Variants in MYH1 observed in about 807,000 individuals in gnomAD.
The protein encoded by MYH1 is myosin-1.
MYH1 carries 214 observed loss-of-function variants against 225.6 expected under a neutral mutation model. That is an observed-to-expected ratio of 0.95 (90% CI 0.85 to 1.06). The LOEUF (loss-of-function observed/expected upper bound fraction) is 1.06, where lower values mean the gene tolerates loss of function less well. Among genes scored for constraint, MYH1 ranks in the 50% least tolerant of loss-of-function variants. The pLI is 0.00. For missense variants in MYH1, 2,098 were observed against 2,344.2 expected (o/e 0.89, Z 2.17); for synonymous variants, 774 against 842.3 (o/e 0.92, Z 1.40).
At chr17:10,495,346 T>C in intron 35 of MYH1, 29 bp from the exon 36 acceptor site, 1 of 1,613,260 alleles carries the variant, frequency 6.2e-7, no homozygotes, top group Non-Finnish European at 8.5e-7. Context: ...TTAGAAATAT[T>C]AGGCACATGA....
At position 10,496,124 on chromosome 17, in the gene MYH1, G is replaced by A. The variant is rs1283558260; in HGVS notation, c.4995C>T (p.Leu1665=). The A allele has an allele frequency of 6.2e-7, 1 of 1,614,130 alleles. No individual in the cohort carries two copies. The highest frequency in any genetic ancestry group is 1.1e-5 in the South Asian group (1 of 91,078). ...GTTCCTTCAGGTCCTCCTGGCTCCG[G>A]AGAGCATCATCCAGGTGGAGCTGGG... ...KDTQLHLDDA[L]RSQEDLKEQL... is the part of the protein sequence containing the mutation. Residue 1665 remains leucine, a synonymous_variant, in exon 35 of 40, where the codon CTC becomes CTT. Transcript: ENST00000226207.
chr17:10,508,178 C>A (rs1028532666), intron 16 of MYH1, among the ~76,000 whole-genome samples, 185 bp downstream of exon 16: 6 of 151,756 alleles, frequency 4.0e-5, no homozygotes, highest in African/African-American at 1.2e-4. Flanking sequence ...GCCACCATGC[C>A]CGGCTAATTT....
rs1285464599 is a variant in MYH1 at position 10,504,966 on chromosome 17, T to G, written c.2535A>C (p.Lys845Asn). 6.2e-7 allele frequency: 1 copy of G among 1,614,134 alleles called. No individual in the cohort carries two copies. Among genetic ancestry groups the G allele is most frequent in the Non-Finnish European group, 8.5e-7 (1 of 1,180,044 alleles). The change falls in exon 22 of 40, where the codon AAA (lysine) becomes AAC (asparagine). Residue 845 changes from lysine to asparagine, a missense_variant. Lys to Asn is a moderately conservative substitution (Grantham distance 94). Coordinates refer to ENST00000226207, the MANE Select transcript of MYH1 (RefSeq NM_005963.4). ...CCATCTCCTTCTCTGTCTCTGCACT[T>G]TTGAGGAGGGGTTTGATCTTGAAAT... ...KLYFKIKPLL[K>N]SAETEKEMAN...
At chr17:10,511,457 G>T (rs2073169318) in intron 14 of MYH1, among the ~76,000 whole-genome samples, 1 of 152,086 alleles carries the variant, frequency 6.6e-6, no homozygotes, top group African/African-American at 2.4e-5. Context: ...AGTGCTGCCT[G>T]CATGCTTGGG....
chr17:10,511,653 G>A (rs1567721792), intron 14 of MYH1, among the ~76,000 whole-genome samples, 186 bp downstream of exon 14: 1 of 152,148 alleles, frequency 6.6e-6, no homozygotes, highest in Non-Finnish European at 1.5e-5. Context: ...TTGAATCCAG[G>A]TCTGTCTCAT....
At position 10,516,246 on chromosome 17, in the gene MYH1, C is replaced by T. The variant is rs760383904; in HGVS notation, c.301G>A (p.Ala101Thr). 7 of 1,614,096 alleles carry T rather than the reference C, an allele frequency of 4.3e-6. No homozygotes were observed. In the East Asian group the frequency reaches 1.6e-4, roughly 36 times the overall value. The change falls in exon 4 of 40, where the codon GCT (alanine) becomes ACT (threonine). Residue 101 changes from alanine (A) to threonine (T), a missense_variant. By Grantham distance (58) the Ala-to-Thr change is moderately conservative. Transcript: ENST00000226207. ...MAMMTHLHEP[A>T]VLYNLKERYA... ...CGCTCTTTGAGGTTGTACAGCACAG[C>T]AGGCTCGTGTAGATGAGTCATCATG...
At chr17:10,495,818 C>CA (rs1275068733) in intron 35 of MYH1, 132 bp downstream of exon 35, 7 of 919,772 alleles carry the variant, frequency 7.6e-6, no homozygotes, top group Non-Finnish European at 1.0e-5. Flanking sequence ...TATAGATAAT[C>CA]AAAAAAATAA....
chr17:10,514,745 A>G lies in MYH1; in HGVS notation c.533+123T>C, dbSNP rs2073208166. 11 of 844,492 alleles carry G rather than the reference A, an allele frequency of 1.3e-5. No individual in the cohort carries two copies. In the Admixed American group the frequency reaches 1.9e-4, roughly 15 times the overall value. 52.3% of individuals were successfully genotyped at this position (844,492 alleles called of 1,614,324 possible). On this transcript the variant is annotated intron_variant, in intron 6 of 39. Transcript: ENST00000226207. ...TAAACCTTATAATAAAGCTAAACCA[A>G]TATCTAGTTCCAGGTTGATCATTCA...
At chr17:10,508,172 C>T (rs2073134315) in intron 16 of MYH1, among the ~76,000 whole-genome samples, 191 bp downstream of exon 16, 1 of 151,952 alleles carries the variant, frequency 6.6e-6, no homozygotes, top group Admixed American at 6.6e-5. Context: ...GCACCTGCCA[C>T]CATGCCCGGC....
At position 10,494,284 on chromosome 17, in the gene MYH1, C is replaced by A. The variant is rs1462182560; in HGVS notation, c.5667+70G>T. 2.1e-6 allele frequency: 3 copies of A among 1,418,242 alleles called. No individual in the cohort carries two copies. In the East Asian group the frequency reaches 6.9e-5, roughly 32 times the overall value. 87.9% of individuals were successfully genotyped at this position (1,418,242 alleles called of 1,614,324 possible). ...TCCTTCCTCATTTTACTCATCTTTTCTTTTGTCACTTTAACTAAACTGGCC... is the reference window on the plus strand; with the variant it reads ...TCCTTCCTCATTTTACTCATCTTTTATTTTGTCACTTTAACTAAACTGGCC... On this transcript the variant is annotated intron_variant, in intron 39 of 39. Transcript: ENST00000226207.
chr17:10,512,500 A>G lies in MYH1; in HGVS notation c.1055T>C (p.Ile352Thr), dbSNP rs755977936. The change falls in exon 12 of 40, where the codon ATC (isoleucine) becomes ACC (threonine). Residue 352 changes from isoleucine to threonine, a missense_variant. Physicochemically the swap from Ile to Thr is moderately conservative, Grantham distance 89. Coordinates refer to ENST00000226207, the MANE Select transcript of MYH1 (RefSeq NM_005963.4). ...CATCACAGCCCCTGTGAGCTTATAG[A>G]TGGACACTCTTTCATCTGAAGTAAA... ...LGFTSDERVS[I>T]YKLTGAVMHY... 1.2e-6 allele frequency: 2 copies of G among 1,614,076 alleles called. No homozygotes were observed. Among genetic ancestry groups the G allele is most frequent in the South Asian group, 2.2e-5 (2 of 91,066 alleles).
At chr17:10,497,955 C>A in intron 30 of MYH1, 38 bp from the exon 31 acceptor site, 1 of 1,558,108 alleles carries the variant, frequency 6.4e-7, no homozygotes, top group Non-Finnish European at 8.7e-7. Context: ...TGGCTGTCAA[C>A]TGAATTGGGT....
chr17:10,503,800 C>G (rs2073081389), intron 22 of MYH1, among the ~76,000 whole-genome samples: 1 of 152,226 alleles, frequency 6.6e-6, no homozygotes, highest in African/African-American at 2.4e-5. Context: ...CTGTCCGGGA[C>G]TTCACCCAAT....
At position 10,513,801 on chromosome 17, in the gene MYH1, T is replaced by C; in HGVS notation, c.741+20A>G. On this transcript the variant is annotated intron_variant, in intron 8 of 39. Transcript: ENST00000226207. ...GGCATCTAAAGGCAGAGAAGACCCT[T>C]TGGCAACCAAGAGACTTACAAAGCG... is the stretch of plus-strand genomic sequence containing the variant. The C allele has an allele frequency of 6.2e-7, 1 of 1,614,144 alleles. No individual in the cohort carries two copies. The highest frequency in any genetic ancestry group is 8.5e-7 in the Non-Finnish European group (1 of 1,179,990).
At chr17:10,507,717 T>C (rs554790516) in intron 17 of MYH1, among the ~76,000 whole-genome samples, 169 bp downstream of exon 17, 39 of 152,166 alleles carry the variant, frequency 2.6e-4, no homozygotes, top group Non-Finnish European at 4.7e-4. Flanking sequence ...CTATCCCCTC[T>C]TCCAAACTAT....
Position 10,516,461 on chromosome 17 carries a change from G to A in MYH1, c.182C>T (p.Thr61Ile), listed in dbSNP as rs761412998. 1 of 1,614,212 alleles carries A rather than the reference G, an allele frequency of 6.2e-7. No individual in the cohort carries two copies. The highest frequency in any genetic ancestry group is 8.5e-7 in the Non-Finnish European group (1 of 1,180,044). ...CACAGCTCCAGCTTCGGTCTTAGCT[G>A]TCACCTTCCCCCCTTCCCTGCTCTG... ...TVQSREGGKV[T>I]AKTEAGATVT... Residue 61 changes from threonine to isoleucine, a missense_variant, in exon 3 of 40, where the codon ACA (threonine) becomes ATA (isoleucine). Transcript: ENST00000226207.
intron 19 of MYH1, 68 bp downstream of exon 19, chr17:10,505,744 C>G: frequency 6.3e-7 from 1 of 1,590,354 alleles, no homozygotes; most frequent in African/African-American, 1.4e-5. Context: ...ATAAAGGATT[C>G]TTTCATTGAA....
At chr17:10,492,801 A>G (rs2072948556) in intron 39 of MYH1, among the ~76,000 whole-genome samples, 1 of 151,824 alleles carries the variant, frequency 6.6e-6, no homozygotes, top group African/African-American at 2.4e-5. Flanking sequence ...TTAGAACAGC[A>G]GAACATCCTA....
Position 10,502,890 on chromosome 17 carries a change from C to T in MYH1, c.2959G>A (p.Ala987Thr), listed in dbSNP as rs2073073021. The T allele has an allele frequency of 6.2e-7, 1 of 1,614,076 alleles. No homozygotes were observed. The highest frequency in any genetic ancestry group is 1.1e-5 in the South Asian group (1 of 91,070). ...NKVKNLTEEM[A>T]GLDETIAKLT... ...TTAGCAATGGTTTCATCCAGACCCG[C>T]CATCTCTTCTGTGAGGTTTTTCACC... Residue 987 changes from alanine to threonine, a missense_variant, in exon 24 of 40, where the codon GCG (alanine) becomes ACG (threonine). By Grantham distance (58) the Ala-to-Thr change is moderately conservative. Coordinates refer to ENST00000226207, the MANE Select transcript of MYH1 (RefSeq NM_005963.4).
Sources: allele counts gnomAD v4.1 joint callset (sites outside exome capture counted in the v4.1 genomes callset), GRCh38; gene constraint gnomAD v4.1.1; transcripts MANE v1.5; gene names NCBI Gene and HGNC (gene_info 2026-07-23, HGNC 2026-07-21).